TMEM87A: variants seen among roughly 807,000 people sequenced by gnomAD.
The protein encoded by TMEM87A is Golgi-pH regulating cation channel.
A neutral mutation model predicts 90.0 loss-of-function variants in TMEM87A; 50 were observed. That is an observed-to-expected ratio of 0.56 (90% CI 0.44 to 0.70). TMEM87A has a LOEUF of 0.70. Ranked by LOEUF, TMEM87A falls within the 30% of genes least tolerant of loss-of-function variation. TMEM87A has a pLI of 0.00. For missense variants in TMEM87A, 577 were observed against 660.5 expected, an observed-to-expected ratio of 0.87 and a Z score of 1.39; for synonymous variants, 226 against 226.7, an observed-to-expected ratio of 1.00 and a Z score of 0.03.
intron 4 of TMEM87A, among the ~76,000 whole-genome samples, chr15:42,263,030 A>T (rs1384647672): frequency 6.6e-6 from 1 of 152,222 alleles, no homozygotes; most frequent in Non-Finnish European, 1.5e-5. Context: ...ATTGAACTCT[A>T]AGACAATGAT....
At chr15:42,271,015 G>T (rs1356654503) in intron 2 of TMEM87A, among the ~76,000 whole-genome samples, 4 of 152,156 alleles carry the variant, frequency 2.6e-5, no homozygotes, top group African/African-American at 9.7e-5. Context: ...CTTCCGTGAA[G>T]ACAGTATGCA....
intron 7 of TMEM87A, among the ~76,000 whole-genome samples, chr15:42,242,268 A>G (rs990472516): frequency 3.3e-5 from 5 of 152,096 alleles, no homozygotes; most frequent in African/African-American, 1.2e-4. Flanking sequence ...GGTAGTTGGA[A>G]GTACACTACC....
rs1176647715 is a variant in TMEM87A, at chr15:42,211,214, C to A, written c.*494G>T. The A allele has an allele frequency of 1.3e-5, 2 of 149,778 alleles. No individual in the cohort carries two copies. Among genetic ancestry groups the A allele is most frequent in the Non-Finnish European group, 3.0e-5 (2 of 67,684 alleles). 9.3% of individuals were successfully genotyped at this position (149,778 alleles called of 1,614,324 possible). A position where few individuals can be genotyped will look rare whatever the true frequency, so the allele number is the denominator to read the frequency against. ...GAAGGGCCCTTTTTTCTCAAAACAA[C>A]CTCTGCAAGATGTAACCTTGACTTC... On this transcript the variant is annotated 3_prime_UTR_variant, in exon 20 of 20. Transcript: ENST00000389834.
chr15:42,231,394 T>C, intron 11 of TMEM87A, 134 bp from the exon 12 acceptor site: 2 of 587,864 alleles, frequency 3.4e-6, no homozygotes, highest in South Asian at 2.6e-5. Context: ...AAAAAGAACA[T>C]TTGACACCTA....
At chr15:42,218,047 C>A in intron 18 of TMEM87A, 2 of 617,018 alleles carry the variant, frequency 3.2e-6, no homozygotes, top group Non-Finnish European at 5.6e-6. Context: ...GCAACAGGAC[C>A]AATGTTTCAT....
At chr15:42,237,403 G>A (rs537826110) in intron 9 of TMEM87A, 29 bp downstream of exon 9, 10 of 1,608,860 alleles carry the variant, frequency 6.2e-6, no homozygotes, top group African/African-American at 4.0e-5. Context: ...CCAACCACTC[G>A]AACTGGCAAA....
rs1364304623 is a variant in TMEM87A at position 42,237,539 on chromosome 15, T to A, written c.761A>T (p.Asp254Val). ...WLAWSACYWR[D>V]LLRIQFWIGA... Reference sequence around the variant, plus strand: ...AATCCAAAACTGAATTCTCAGGAGATCTCTCCAGTAGCAGGCAGACCATGC... The same window carrying A: ...AATCCAAAACTGAATTCTCAGGAGAACTCTCCAGTAGCAGGCAGACCATGC... Residue 254 changes from aspartate (D) to valine (V), a missense_variant, in exon 9 of 20, where the codon GAT becomes GTT. Coordinates refer to ENST00000389834, the MANE Select transcript of TMEM87A (RefSeq NM_015497.5). The A allele has an allele frequency of 6.2e-7, 1 of 1,614,054 alleles. No homozygotes were observed. The highest frequency in any genetic ancestry group is 1.7e-5 in the Admixed American group (1 of 59,996).
chr15:42,239,006 C>T (rs1221606330), intron 8 of TMEM87A, among the ~76,000 whole-genome samples: 3 of 152,082 alleles, frequency 2.0e-5, no homozygotes, highest in South Asian at 2.1e-4. Flanking sequence ...CACATACACA[C>T]ATACACACAC....
intron 6 of TMEM87A, among the ~76,000 whole-genome samples, chr15:42,248,474 T>C (rs1348241678): frequency 6.6e-6 from 1 of 152,194 alleles, no homozygotes; most frequent in African/African-American, 2.4e-5. Flanking sequence ...CTTAGTTTAT[T>C]GAGAGTTTTT....
intron 3 of TMEM87A, among the ~76,000 whole-genome samples, chr15:42,267,561 T>C (rs2051430390): frequency 6.6e-6 from 1 of 152,208 alleles, no homozygotes; most frequent in South Asian, 2.1e-4. Flanking sequence ...TGCCAGATAG[T>C]AAACAAATTT....
chr15:42,246,751 C>T (rs1418023491), intron 6 of TMEM87A, among the ~76,000 whole-genome samples: 4 of 152,198 alleles, frequency 2.6e-5, no homozygotes, highest in Admixed American at 1.3e-4. Context: ...CTGCAATAAA[C>T]ATACGTGTGC....
intron 9 of TMEM87A, 45 bp downstream of exon 9, chr15:42,237,387 C>A: frequency 6.3e-7 from 1 of 1,592,492 alleles, no homozygotes; most frequent in South Asian, 1.1e-5. Context: ...TCATACATCT[C>A]ACCTTCCAAC....
At chr15:42,250,622 C>T (rs2051066710) in intron 6 of TMEM87A, among the ~76,000 whole-genome samples, 1 of 152,130 alleles carries the variant, frequency 6.6e-6, no homozygotes, top group Admixed American at 6.5e-5. Context: ...AGTCTGATGG[C>T]CTTCCCTTTG....
intron 6 of TMEM87A, among the ~76,000 whole-genome samples, chr15:42,246,484 C>T (rs1009661395): frequency 6.6e-6 from 1 of 152,070 alleles, no homozygotes; most frequent in African/African-American, 2.4e-5. Flanking sequence ...TGTGATGTTC[C>T]CCGCCCTGTG....
chr15:42,266,621 A>C (rs780747732), intron 3 of TMEM87A, among the ~76,000 whole-genome samples: 12 of 152,218 alleles, frequency 7.9e-5, no homozygotes, highest in Admixed American at 2.6e-4. Flanking sequence ...TCAGGAACTA[A>C]GGCAGTGGCA....
At chr15:42,252,197 G>A (rs538475633) in intron 6 of TMEM87A, among the ~76,000 whole-genome samples, 45 of 152,334 alleles carry the variant, frequency 3.0e-4, no homozygotes, top group African/African-American at 1.0e-3. Flanking sequence ...GACCCCTTGC[G>A]CTTCCTGGGT....
intron 6 of TMEM87A, chr15:42,258,932 G>C (rs568420078): frequency 2.5e-6 from 3 of 1,204,362 alleles, no homozygotes; most frequent in Non-Finnish European, 3.6e-6. Flanking sequence ...TGGAACTTTG[G>C]AAATTATTAA....
intron 3 of TMEM87A, among the ~76,000 whole-genome samples, chr15:42,266,481 A>G (rs1267006571): frequency 2.0e-5 from 3 of 150,534 alleles, no homozygotes; most frequent in Non-Finnish European, 4.4e-5. Flanking sequence ...GCGCCACTGC[A>G]CTCCAGCCTG....
intron 6 of TMEM87A, among the ~76,000 whole-genome samples, chr15:42,247,876 C>T (rs979680146): frequency 2.6e-5 from 4 of 152,080 alleles, no homozygotes; most frequent in African/African-American, 9.7e-5. Context: ...TTACCTTGGG[C>T]AGTATGGCCA....
Sources: gnomAD v4.1 joint callset for allele counts (sites outside exome capture counted in the v4.1 genomes callset) on GRCh38, gnomAD v4.1.1 for gene constraint, MANE v1.5 for transcripts, NCBI Gene and HGNC (gene_info 2026-07-23, HGNC 2026-07-21) for gene names.